BCAS3: variants seen among roughly 807,000 people sequenced by gnomAD.
BCAS3 encodes BCAS3 microtubule associated cell migration factor.
Under a neutral mutation model 116.1 loss-of-function variants are expected in BCAS3, and 53 were observed. The ratio of observed to expected loss-of-function variants is 0.46; its 90% CI spans 0.37 to 0.57. The LOEUF is 0.57. Ranked by LOEUF, BCAS3 falls within the 20% of genes least tolerant of loss-of-function variation. BCAS3 has a pLI of 0.00. For synonymous variants in BCAS3, 391 were observed against 408.2 expected, an observed-to-expected ratio of 0.96 and a Z score of 0.51; for missense variants, 917 against 1,165.4, an observed-to-expected ratio of 0.79 and a Z score of 3.10.
chr17:61,235,840 C>CCT lies in BCAS3; in HGVS notation c.2426-132484_2426-132483dup, dbSNP rs759555687. On this transcript the variant is annotated intron_variant, in intron 22 of 23. Transcript: ENST00000407086. This position sits in a 1 kb window ranked among gnomAD's most constrained non-coding sequence, Gnocchi z 5.0. ...ACAGTAATACTAGGAAAATAATCCTCCTCTTGTCTAGGAGTTTCTGCTACT... is the reference window on the plus strand; with the variant it reads ...ACAGTAATACTAGGAAAATAATCCTCCTCTCTTGTCTAGGAGTTTCTGCTACT... Among the ~76,000 whole-genome samples, 36 of 152,220 alleles carry CCT rather than the reference C, an allele frequency of 2.4e-4. No individual in the cohort carries two copies. The highest frequency in any genetic ancestry group is 1.2e-3 in the East Asian group (6 of 5,182).
chr17:60,712,375 T>C (rs561104086), intron 5 of BCAS3, among the ~76,000 whole-genome samples: 163 of 146,776 alleles, frequency 1.1e-3, no homozygotes, highest in African/African-American at 4.3e-3. Context: ...GATCTTGTCT[T>C]GGGAAGGAAA....
intron 7 of BCAS3, among the ~76,000 whole-genome samples, chr17:60,837,682 T>C (rs1599051394): frequency 6.6e-6 from 1 of 151,484 alleles, no homozygotes; most frequent in East Asian, 1.9e-4. Flanking sequence ...AGATGGAGTT[T>C]CACTCTTGTT....
At chr17:61,100,188 A>C (rs913471500) in intron 22 of BCAS3, among the ~76,000 whole-genome samples, 8 of 152,184 alleles carry the variant, frequency 5.3e-5, no homozygotes, top group African/African-American at 1.9e-4. Flanking sequence ...AGATGAGTTT[A>C]TGTAGTTCTC....
chr17:60,780,216 C>G (rs991123556), intron 6 of BCAS3, among the ~76,000 whole-genome samples: 5 of 151,530 alleles, frequency 3.3e-5, no homozygotes, highest in African/African-American at 9.7e-5. Context: ...TCTCAAACTC[C>G]TGACCTTGTG....
At chr17:60,921,076 T>C (rs78364783) in intron 12 of BCAS3, among the ~76,000 whole-genome samples, 598 of 152,186 alleles carry the variant, frequency 3.9e-3, no homozygotes, top group Non-Finnish European at 6.6e-3. Flanking sequence ...TATATACCCA[T>C]AGGAAAATAA....
intron 22 of BCAS3, among the ~76,000 whole-genome samples, chr17:61,317,346 A>G (rs2054830917): frequency 6.6e-6 from 1 of 152,238 alleles, no homozygotes; most frequent in South Asian, 2.1e-4. Flanking sequence ...ATGTAAAGGC[A>G]TGCTTCTTAA....
chr17:61,070,695 T>G (rs1350265657), intron 19 of BCAS3, among the ~76,000 whole-genome samples: 1 of 152,132 alleles, frequency 6.6e-6, no homozygotes, highest in Non-Finnish European at 1.5e-5. Flanking sequence ...GGCTATTGAT[T>G]ATGGGCCCTT....
At chr17:61,061,929 C>T (rs557460349) in intron 19 of BCAS3, among the ~76,000 whole-genome samples, 37 of 152,182 alleles carry the variant, frequency 2.4e-4, no homozygotes, top group African/African-American at 7.9e-4. Context: ...TAAACAGATA[C>T]GGAGACATTA....
At chr17:61,003,421 T>C (rs2064416507) in intron 15 of BCAS3, among the ~76,000 whole-genome samples, 1 of 133,488 alleles carries the variant, frequency 7.5e-6, no homozygotes, top group East Asian at 2.5e-4. Context: ...TTCCCTTCTT[T>C]TTCTTTCCTT....
intron 5 of BCAS3, among the ~76,000 whole-genome samples, chr17:60,725,781 G>A (rs2039763679): frequency 6.6e-6 from 1 of 152,170 alleles, no homozygotes; most frequent in Admixed American, 6.5e-5. Context: ...TAGGATAGAG[G>A]TATGAATACA....
intron 3 of BCAS3, among the ~76,000 whole-genome samples, chr17:60,688,516 T>A (rs532211405): frequency 1.3e-5 from 2 of 151,986 alleles, no homozygotes; most frequent in Non-Finnish European, 2.9e-5. Context: ...TGGTGTTTTT[T>A]AAAAAAGGTA....
intron 6 of BCAS3, among the ~76,000 whole-genome samples, chr17:60,756,298 G>T (rs1421393515): frequency 6.6e-6 from 1 of 152,204 alleles, no homozygotes; most frequent in Admixed American, 6.5e-5. Flanking sequence ...AGACAGTAAT[G>T]CTTGCTCTCC....
rs2081876371 is a variant in BCAS3 at position 61,217,633 on chromosome 17, A to G, written c.2425+133069A>G. Among the ~76,000 whole-genome samples the G allele has an allele frequency of 6.6e-6, 1 of 152,168 alleles. No homozygotes were observed. The highest frequency in any genetic ancestry group is 2.4e-5 in the African/African-American group (1 of 41,438). ...TGAAGGGCATATTCCCAGGACCTAGACACTCCAAAAGTCTGCATTTTTATC... is the reference window on the plus strand; with the variant it reads ...TGAAGGGCATATTCCCAGGACCTAGGCACTCCAAAAGTCTGCATTTTTATC... On this transcript the variant is annotated intron_variant, in intron 22 of 23. Transcript: ENST00000407086. This position sits in a 1 kb window ranked among gnomAD's most constrained non-coding sequence, Gnocchi z 5.2.
intron 22 of BCAS3, among the ~76,000 whole-genome samples, chr17:61,305,236 A>G (rs908901050): frequency 1.3e-5 from 2 of 152,198 alleles, no homozygotes; most frequent in South Asian, 4.1e-4. Flanking sequence ...TGCATAGTCA[A>G]TCAGCCAAAC....
chr17:60,808,935 G>C (rs2048532694), intron 7 of BCAS3, among the ~76,000 whole-genome samples: 1 of 152,130 alleles, frequency 6.6e-6, no homozygotes. Flanking sequence ...GACTGCCAGG[G>C]TAGGTTATAA....
chr17:60,700,625 T>C (rs2036260547), intron 4 of BCAS3, among the ~76,000 whole-genome samples: 1 of 152,100 alleles, frequency 6.6e-6, no homozygotes, highest in Admixed American at 6.6e-5. Context: ...ATTTAGAGAC[T>C]AGGTAGAAAA....
At chr17:61,375,311 GCTGTTTTTA>G (rs2059283197) in intron 23 of BCAS3, among the ~76,000 whole-genome samples, 1 of 149,292 alleles carries the variant, frequency 6.7e-6, no homozygotes, top group Non-Finnish European at 1.5e-5. Context: ...ACAAATATGA[GCTGTTTTTA>G]CTGGAGTCAA....
At chr17:60,977,555 G>T (rs566591312) in intron 14 of BCAS3, among the ~76,000 whole-genome samples, 1 of 151,344 alleles carries the variant, frequency 6.6e-6, no homozygotes, top group South Asian at 2.1e-4. Context: ...ACAATGTGCA[G>T]GTTAGTTACA....
intron 14 of BCAS3, among the ~76,000 whole-genome samples, chr17:60,951,838 C>T (rs1380806414): frequency 5.5e-5 from 8 of 144,156 alleles, no homozygotes; most frequent in East Asian, 2.1e-4. Flanking sequence ...GGCACAATCG[C>T]GGCTCACTGC....
Sources: gnomAD v4.1 joint callset for allele counts (sites outside exome capture counted in the v4.1 genomes callset) on GRCh38, gnomAD v4.1.1 for gene constraint, Gnocchi (gnomAD v3.1) non-coding constraint, MANE v1.5 for transcripts, NCBI Gene and HGNC (gene_info 2026-07-23, HGNC 2026-07-21) for gene names.